The following LRFN5 variants were observed in gnomAD, a reference collection of about 807,000 sequenced individuals.
LRFN5 encodes leucine-rich repeat and fibronectin type-III domain-containing protein 5.
Under a neutral mutation model 45.6 loss-of-function variants are expected in LRFN5, and 24 were observed. That is an observed-to-expected ratio of 0.53 (90% CI 0.38 to 0.74). The LOEUF (loss-of-function observed/expected upper bound fraction) is 0.74. LRFN5 is among the 30% of genes least tolerant of loss of function. The pLI is 0.00. For missense variants in LRFN5, 776 were observed against 861.5 expected (o/e 0.90, Z 1.24); for synonymous variants, 340 against 313.8 (o/e 1.08, Z -0.88).
intron 2 of LRFN5, among the ~76,000 whole-genome samples, chr14:41,881,239 T>C (rs79724296): frequency 0.012 from 1,848 of 152,210 alleles, 12 homozygotes; most frequent in Non-Finnish European, 0.017. Flanking sequence ...CTGAGATAAA[T>C]TTTTCTTAGA....
intron 5 of LRFN5, among the ~76,000 whole-genome samples, chr14:41,903,270 T>A (rs747323972): frequency 2.0e-5 from 3 of 151,324 alleles, no homozygotes; most frequent in Non-Finnish European, 4.4e-5. Context: ...TCTAAAGATA[T>A]TCTACATCAA....
rs537094062 is a variant in LRFN5 at position 41,734,025 on chromosome 14, T to A, written c.-196-32829T>A. Among the ~76,000 whole-genome samples the A allele has an allele frequency of 2.5e-3, 288 of 114,066 alleles. 2 individuals are homozygous for A. The highest frequency in any genetic ancestry group is 0.011 in the African/African-American group (277 of 24,156). 74.8% of individuals were successfully genotyped at this position (114,066 alleles called of 152,430 possible). ...TATATATATTTTTTCTTTTCTTTTC[T>A]TTTCTTTTTTTTTTTTTGTGATGGA... On this transcript the variant is annotated intron_variant, in intron 1 of 5. Transcript: ENST00000298119.
intron 4 of LRFN5, among the ~76,000 whole-genome samples, chr14:41,895,435 C>G (rs979431095): frequency 1.3e-5 from 2 of 151,940 alleles, no homozygotes; most frequent in Non-Finnish European, 2.9e-5. Flanking sequence ...ACCAGTCAGG[C>G]CAACGTGGTG....
chr14:41,837,018 G>A (rs948316249), intron 2 of LRFN5, among the ~76,000 whole-genome samples: 2 of 151,876 alleles, frequency 1.3e-5, no homozygotes, highest in African/African-American at 4.8e-5. Context: ...GGGTGGTTTT[G>A]CCAGTTTCTT....
At chr14:41,718,832 T>G (rs1017027415) in intron 1 of LRFN5, among the ~76,000 whole-genome samples, 5 of 152,212 alleles carry the variant, frequency 3.3e-5, no homozygotes, top group African/African-American at 1.2e-4. Flanking sequence ...AGGTACTGCT[T>G]TATAGGTACC....
Position 41,823,162 on chromosome 14 carries a change from T to C in LRFN5, c.-21+56133T>C, listed in dbSNP as rs575122694. 2.6e-5 allele frequency among the ~76,000 whole-genome samples: 4 copies of C among 152,202 alleles called. 1 individual carries two copies. In the South Asian group the frequency reaches 8.3e-4, roughly 32 times the overall value. On this transcript the variant is annotated intron_variant, in intron 2 of 5. Coordinates refer to ENST00000298119, the MANE Select transcript of LRFN5 (RefSeq NM_152447.5). ...GTTAATATTTATATGTGACTTATTG[T>C]TTCTGTCATAATGTTAAGTGTTACC...
At position 41,678,827 on chromosome 14, in the gene LRFN5, A is replaced by G. The variant is rs930787784; in HGVS notation, c.-197+70265A>G. 2.6e-5 allele frequency among the ~76,000 whole-genome samples: 4 copies of G among 152,174 alleles called. No individual in the cohort carries two copies. In the East Asian group the frequency reaches 7.7e-4, roughly 29 times the overall value. On this transcript the variant is annotated intron_variant, in intron 1 of 5. Coordinates refer to ENST00000298119, the MANE Select transcript of LRFN5 (RefSeq NM_152447.5). ...TCATGGTACCAGGTTTTAACTTCAT[A>G]TTACTGAAAGAGTCATTGGAAAGGG... is the stretch of plus-strand genomic sequence containing the variant.
At chr14:41,733,049 G>GT (rs201671905) in intron 1 of LRFN5, among the ~76,000 whole-genome samples, 1 of 149,900 alleles carries the variant, frequency 6.7e-6, no homozygotes, top group Non-Finnish European at 1.5e-5. Context: ...GGAAAAGAAA[G>GT]TTAAAAAAAA....
intron 1 of LRFN5, among the ~76,000 whole-genome samples, chr14:41,691,703 T>A (rs1015754644): frequency 6.6e-6 from 1 of 152,120 alleles, no homozygotes; most frequent in African/African-American, 2.4e-5. Context: ...CACCACACTA[T>A]ACAACATATA....
chr14:41,684,552 C>G (rs1042845331), intron 1 of LRFN5, among the ~76,000 whole-genome samples: 1 of 152,160 alleles, frequency 6.6e-6, no homozygotes, highest in African/African-American at 2.4e-5. Context: ...TGAGTTACCT[C>G]CACGTGGTCT....
intron 1 of LRFN5, among the ~76,000 whole-genome samples, chr14:41,609,904 G>A (rs751399241): frequency 6.6e-6 from 1 of 152,210 alleles, no homozygotes; most frequent in Non-Finnish European, 1.5e-5. Context: ...TCCATATGAT[G>A]GCATTTGCAG....
chr14:41,648,846 A>T (rs1879946997), intron 1 of LRFN5, among the ~76,000 whole-genome samples: 1 of 152,156 alleles, frequency 6.6e-6, no homozygotes, highest in Non-Finnish European at 1.5e-5. Flanking sequence ...ATTATTAATC[A>T]TAAAAATTAT....
intron 3 of LRFN5, among the ~76,000 whole-genome samples, chr14:41,890,808 T>C (rs1409179725): frequency 6.6e-6 from 1 of 152,354 alleles, no homozygotes; most frequent in East Asian, 1.9e-4. Flanking sequence ...ATAAATGCTC[T>C]AAAATGCGTA....
chr14:41,782,155 T>A (rs1886551912), intron 2 of LRFN5, among the ~76,000 whole-genome samples: 1 of 151,962 alleles, frequency 6.6e-6, no homozygotes, highest in African/African-American at 2.4e-5. Flanking sequence ...TGTTCCAGAC[T>A]TTTTTAATGT....
intron 5 of LRFN5, 25 bp downstream of exon 5, chr14:41,898,985 T>C: frequency 6.3e-7 from 1 of 1,586,596 alleles, no homozygotes; most frequent in South Asian, 1.1e-5. Flanking sequence ...ACCTATAACT[T>C]ACTTCAACAC....
chr14:41,697,536 CA>C (rs1324432879), intron 1 of LRFN5, among the ~76,000 whole-genome samples: 2 of 151,644 alleles, frequency 1.3e-5, no homozygotes, highest in Non-Finnish European at 2.9e-5. Context: ...TTATTTAAAA[CA>C]GAGATTTTGT....
At chr14:41,759,703 A>G (rs921261580) in intron 1 of LRFN5, among the ~76,000 whole-genome samples, 3 of 152,196 alleles carry the variant, frequency 2.0e-5, no homozygotes, top group African/African-American at 7.2e-5. Context: ...TGGTACCCAA[A>G]GCAAATAGCA....
chr14:41,688,460 A>T (rs936593059), intron 1 of LRFN5, among the ~76,000 whole-genome samples: 1 of 151,984 alleles, frequency 6.6e-6, no homozygotes, highest in South Asian at 2.1e-4. Context: ...AATTAAAAAT[A>T]AAAAATTTAA....
rs553925305 is a variant in LRFN5 at position 41,708,845 on chromosome 14, T to C, written c.-196-58009T>C. On this transcript the variant is annotated intron_variant, in intron 1 of 5. Coordinates refer to ENST00000298119, the MANE Select transcript of LRFN5 (RefSeq NM_152447.5). Reference sequence around the variant, plus strand: ...AATATTCTTCATAGATAGCGTTGTGTACTTCCAACTGTTTTTATCAGGAGG... The same window carrying C: ...AATATTCTTCATAGATAGCGTTGTGCACTTCCAACTGTTTTTATCAGGAGG... 5.9e-5 allele frequency among the ~76,000 whole-genome samples: 9 copies of C among 152,130 alleles called. No individual in the cohort carries two copies. The South Asian group carries it at 1.9e-3, about 32-fold the overall frequency.
Sources: gnomAD v4.1 joint callset for allele counts (sites outside exome capture counted in the v4.1 genomes callset) on GRCh38, gnomAD v4.1.1 for gene constraint, MANE v1.5 for transcripts, NCBI Gene and HGNC (gene_info 2026-07-23, HGNC 2026-07-21) for gene names.